The following NIN variants were observed in gnomAD, a reference collection of about 807,000 sequenced individuals.
The protein encoded by NIN is glycogen synthase kinase 3 beta-interacting protein.
NIN carries 137 observed loss-of-function variants against 257.6 expected under a neutral mutation model. That is an observed-to-expected ratio of 0.53 (90% confidence interval 0.46 to 0.61). The LOEUF is 0.61. Among genes scored for constraint, NIN ranks in the 20% least tolerant of loss-of-function variants. The pLI, the probability that NIN is intolerant of heterozygous loss-of-function variation, is 0.00. For synonymous variants in NIN, 918 were observed against 919.8 expected, an observed-to-expected ratio of 1.00 and a Z score of 0.04; for missense variants, 2,439 against 2,501.2, an observed-to-expected ratio of 0.98 and a Z score of 0.53.
intron 26 of NIN, 45 bp from the exon 27 acceptor site, chr14:50,738,331 C>T (rs949773896): frequency 6.4e-7 from 1 of 1,569,186 alleles, no homozygotes; most frequent in Non-Finnish European, 8.7e-7. Context: ...ATACAATCAC[C>T]CAGCCAGCAA....
chr14:50,770,298 C>A, intron 12 of NIN, 90 bp downstream of exon 12: 1 of 1,308,492 alleles, frequency 7.6e-7, no homozygotes, highest in Non-Finnish European at 1.1e-6. Context: ...TGGACTGAAC[C>A]CTGTGCAAAC....
chr14:50,734,745 T>G (rs2040892983), intron 28 of NIN, among the ~76,000 whole-genome samples: 2 of 152,240 alleles, frequency 1.3e-5, no homozygotes, highest in South Asian at 4.1e-4. Flanking sequence ...AGTGGTGTGA[T>G]CTCAGCTCAT....
intron 28 of NIN, 93 bp downstream of exon 28, chr14:50,735,423 G>A: frequency 6.8e-7 from 1 of 1,467,038 alleles, no homozygotes; most frequent in African/African-American, 1.4e-5. Flanking sequence ...TTCACAACGG[G>A]AATTCAATGC....
intron 12 of NIN, among the ~76,000 whole-genome samples, chr14:50,769,357 A>G (rs2042632925): frequency 6.6e-6 from 1 of 152,214 alleles, no homozygotes; most frequent in Non-Finnish European, 1.5e-5. Flanking sequence ...AGCAAAGAGA[A>G]GGACCACTTC....
chr14:50,779,680 C>G (rs1322636460), intron 5 of NIN, among the ~76,000 whole-genome samples: 1 of 151,882 alleles, frequency 6.6e-6, no homozygotes, highest in Non-Finnish European at 1.5e-5. Flanking sequence ...ATGGCGTGAA[C>G]CCGGGAGGCG....
In NIN at chr14:50,721,955, T is replaced by G. The variant is rs531874996; in HGVS notation, c.*1508A>C. ...TTGGGCAGTTTGCTTTCTCTTGTGT[T>G]CCTGCCCATAAAGCAGTGCTTGATT... On this transcript the variant is annotated 3_prime_UTR_variant, in exon 31 of 31. Transcript: ENST00000530997. 28 of 227,262 alleles carry G rather than the reference T, an allele frequency of 1.2e-4. No individual in the cohort carries two copies. The highest frequency in any genetic ancestry group is 6.0e-4 in the African/African-American group (27 of 45,112). 14.1% of individuals were successfully genotyped at this position (227,262 alleles called of 1,614,324 possible).
At chr14:50,744,544 C>T (rs1175056300) in intron 22 of NIN, among the ~76,000 whole-genome samples, 179 bp from the exon 23 acceptor site, 1 of 152,228 alleles carries the variant, frequency 6.6e-6, no homozygotes, top group African/African-American at 2.4e-5. Context: ...TGGCTTCTCT[C>T]TGATTCCCAG....
chr14:50,746,852 C>G (rs999482633), intron 22 of NIN, among the ~76,000 whole-genome samples: 8 of 152,118 alleles, frequency 5.3e-5, no homozygotes, highest in Admixed American at 4.6e-4. Flanking sequence ...TAAAATTAAG[C>G]CTTTTTTCTT....
At chr14:50,730,830 T>C in intron 28 of NIN, 1 of 1,000,866 alleles carries the variant, frequency 1.0e-6, no homozygotes, top group Non-Finnish European at 1.3e-6. Context: ...CTTAAGTACT[T>C]ATTAACTGTT....
Position 50,757,158 on chromosome 14 carries a change from T to G in NIN, c.3872A>C (p.Gln1291Pro). The change falls in exon 18 of 31, where the codon CAG (glutamine) becomes CCG (proline). Residue 1291 changes from glutamine (Q) to proline (P), a missense_variant. Gln to Pro is a moderately conservative substitution (Grantham distance 76). Coordinates refer to ENST00000530997, the MANE Select transcript of NIN (RefSeq NM_020921.4). ...TTCCTCCATTTTCTTCAGCTCATCC[T>G]GCAACCTGAAAACCTCTGCAGTGAG... is the stretch of plus-strand genomic sequence containing the variant. ...KELTAEVFRL[Q>P]DELKKMEEVT... 6.2e-7 allele frequency: 1 copy of G among 1,612,974 alleles called. No homozygotes were observed. The highest frequency in any genetic ancestry group is 8.5e-7 in the Non-Finnish European group (1 of 1,179,688).
intron 21 of NIN, among the ~76,000 whole-genome samples, chr14:50,749,032 G>A (rs1282963639): frequency 1.3e-5 from 2 of 152,116 alleles, no homozygotes; most frequent in African/African-American, 4.8e-5. Flanking sequence ...AACAAAGCTG[G>A]GGGCATCAAG....
At chr14:50,784,791 T>C (rs1449033698) in intron 5 of NIN, among the ~76,000 whole-genome samples, 2 of 152,186 alleles carry the variant, frequency 1.3e-5, no homozygotes, top group African/African-American at 2.4e-5. Flanking sequence ...AGCATGATGA[T>C]TGTGATGAAG....
At chr14:50,820,976 A>C (rs1391096283) in intron 3 of NIN, among the ~76,000 whole-genome samples, 1 of 152,196 alleles carries the variant, frequency 6.6e-6, no homozygotes, top group African/African-American at 2.4e-5. Context: ...CACTAGAATA[A>C]AGTTAAGCCT....
intron 20 of NIN, among the ~76,000 whole-genome samples, chr14:50,753,307 G>C (rs1305505420): frequency 6.6e-6 from 1 of 152,216 alleles, no homozygotes; most frequent in Non-Finnish European, 1.5e-5. Context: ...GGCTGAGACA[G>C]GAGAATCGCT....
intron 3 of NIN, among the ~76,000 whole-genome samples, chr14:50,817,278 TAC>T (rs2044949160): frequency 1.3e-5 from 2 of 152,356 alleles, no homozygotes; most frequent in South Asian, 4.1e-4. Flanking sequence ...TAATTTTGCA[TAC>T]AGAGAACAAG....
intron 4 of NIN, among the ~76,000 whole-genome samples, chr14:50,801,871 TAAAC>T (rs1388744112): frequency 2.0e-5 from 3 of 152,164 alleles, no homozygotes; most frequent in Non-Finnish European, 2.9e-5. Flanking sequence ...TCCCCATGAA[TAAAC>T]AAAGAGACAT....
chr14:50,734,413 G>A (rs2040874349), intron 28 of NIN, among the ~76,000 whole-genome samples: 1 of 151,998 alleles, frequency 6.6e-6, no homozygotes, highest in African/African-American at 2.4e-5. Flanking sequence ...TATAATTCTG[G>A]CTTAACAATA....
intron 4 of NIN, among the ~76,000 whole-genome samples, chr14:50,800,047 C>CACACACACA (rs914520507): frequency 7.3e-6 from 1 of 137,878 alleles, no homozygotes; most frequent in South Asian, 2.4e-4. Flanking sequence ...CACACACACA[C>CACACACACA]AACTCCCAAG....
rs2040249178 is a variant in NIN, at chr14:50,720,435, A to C, written c.*3028T>G. 1 of 211,752 alleles carries C rather than the reference A, an allele frequency of 4.7e-6. No homozygotes were observed. The highest frequency in any genetic ancestry group is 9.6e-6 in the Non-Finnish European group (1 of 104,368). The allele number at this position is 211,752 out of a possible 1,614,324, so 13.1% of individuals were successfully genotyped here. A position where few individuals can be genotyped will look rare whatever the true frequency, so the allele number is the denominator to read the frequency against. Reference sequence around the variant, plus strand: ...ACATGTTAAAAAAGCAAAGTCTGCCATAAACCCTTAGAGAAGAAACAGTTT... The same window carrying C: ...ACATGTTAAAAAAGCAAAGTCTGCCCTAAACCCTTAGAGAAGAAACAGTTT... On this transcript the variant is annotated 3_prime_UTR_variant, in exon 31 of 31. Coordinates refer to ENST00000530997, the MANE Select transcript of NIN (RefSeq NM_020921.4).
Sources: allele counts gnomAD v4.1 joint callset (sites outside exome capture counted in the v4.1 genomes callset), GRCh38; gene constraint gnomAD v4.1.1; transcripts MANE v1.5; gene names NCBI Gene and HGNC (gene_info 2026-07-23, HGNC 2026-07-21).